MAF: variants seen among roughly 807,000 people sequenced by gnomAD.
MAF encodes the protein MAF bZIP transcription factor, also known as transcription factor Maf.
Under a neutral mutation model 22.0 loss-of-function variants are expected in MAF, and 10 were observed. The observed-to-expected ratio is 0.45, with a 90% confidence interval of 0.28 to 0.77. The LOEUF (loss-of-function observed/expected upper bound fraction) is 0.77, where lower values mean the gene tolerates loss of function less well. Ranked by LOEUF, MAF falls within the 30% of genes least tolerant of loss-of-function variation. MAF has a pLI of 0.12. For synonymous variants in MAF, 337 were observed against 255.8 expected (o/e 1.32, Z -3.03); for missense variants, 544 against 548.4 (o/e 0.99, Z 0.08).
At chr16:79,516,683 T>C in the MAF span, among the ~76,000 whole-genome samples, 1 of 152,228 alleles carries the variant, frequency 6.6e-6, no homozygotes, top group Non-Finnish European at 1.5e-5. Context: ...AATTTTATTA[T>C]TACCATTTGG....
At chr16:79,499,116 T>A in the MAF span, among the ~76,000 whole-genome samples, 1 of 152,214 alleles carries the variant, frequency 6.6e-6, no homozygotes, top group Non-Finnish European at 1.5e-5. Flanking sequence ...GAAGCCAACT[T>A]GCAATCTCCA....
chr16:79,593,453 C>T (rs888691545), downstream of MAF, among the ~76,000 whole-genome samples: 1 of 152,102 alleles, frequency 6.6e-6, no homozygotes, highest in African/African-American at 2.4e-5. Context: ...TACTTCAGAA[C>T]AGAAGTATCT....
At chr16:79,442,454 C>G in the MAF span, among the ~76,000 whole-genome samples, 1 of 152,278 alleles carries the variant, frequency 6.6e-6, no homozygotes, top group East Asian at 1.9e-4. Context: ...TCACTGCAGC[C>G]TCATACTCTT....
the MAF span, among the ~76,000 whole-genome samples, chr16:79,281,910 G>A: frequency 2.6e-5 from 4 of 152,142 alleles, no homozygotes; most frequent in Non-Finnish European, 5.9e-5. Context: ...TGTGTGGCTA[G>A]CAAGGACCAC....
the MAF span, among the ~76,000 whole-genome samples, chr16:79,372,137 G>T: frequency 6.8e-6 from 1 of 147,810 alleles, no homozygotes; most frequent in Non-Finnish European, 1.5e-5. Flanking sequence ...TGTTACTAGA[G>T]ATTCTGGTTT....
downstream of MAF, among the ~76,000 whole-genome samples, chr16:79,583,657 G>A (rs977608836): frequency 6.6e-6 from 1 of 152,196 alleles, no homozygotes; most frequent in African/African-American, 2.4e-5. Flanking sequence ...TGTTTTGAAC[G>A]CCAACTCTCC....
chr16:79,397,199 T>A, the MAF span, among the ~76,000 whole-genome samples: 9 of 152,220 alleles, frequency 5.9e-5, no homozygotes, highest in African/African-American at 2.2e-4. Context: ...TTTGAATCCT[T>A]TGGCAATCTG....
chr16:79,475,551 T>A, the MAF span, among the ~76,000 whole-genome samples: 3 of 152,244 alleles, frequency 2.0e-5, no homozygotes, highest in East Asian at 5.8e-4. Context: ...TGTCTGTCTG[T>A]CTATATGGCT....
At chr16:79,273,081 A>ATTCTTGTTTTGCTCTGCGGTG in the MAF span, among the ~76,000 whole-genome samples, 8 of 152,190 alleles carry the variant, frequency 5.3e-5, no homozygotes, top group African/African-American at 1.9e-4. Context: ...CAAAGTTGGA[A>ATTCTTGTTTTGCTCTGCGGTG]TTCTTGTTTT....
the MAF span, among the ~76,000 whole-genome samples, chr16:79,255,469 G>C: frequency 6.6e-6 from 1 of 152,186 alleles, no homozygotes; most frequent in African/African-American, 2.4e-5. Context: ...GATCCATCTA[G>C]AAAATCCATT....
the MAF span, among the ~76,000 whole-genome samples, chr16:79,399,010 G>A: frequency 2.6e-5 from 4 of 152,192 alleles, no homozygotes; most frequent in African/African-American, 9.7e-5. Context: ...AGATTAATCT[G>A]CCTCTCAAGT....
chr16:79,204,762 G>A, the MAF span: 1 of 152,192 alleles, frequency 6.6e-6, no homozygotes, highest in East Asian at 1.9e-4. Context: ...ACGCCTTTGG[G>A]TGGTTGGGAC....
At chr16:79,563,171 G>T in the MAF span, among the ~76,000 whole-genome samples, 2 of 152,270 alleles carry the variant, frequency 1.3e-5, no homozygotes, top group African/African-American at 2.4e-5. Context: ...AGACACCAAA[G>T]CTAAACCTCA....
chr16:79,207,427 C>G, the MAF span, among the ~76,000 whole-genome samples: 1 of 152,238 alleles, frequency 6.6e-6, no homozygotes, highest in Non-Finnish European at 1.5e-5. Context: ...GGGCTGTTCT[C>G]CTTCCCTGCT....
At chr16:79,501,129 G>C in the MAF span, among the ~76,000 whole-genome samples, 1 of 152,128 alleles carries the variant, frequency 6.6e-6, no homozygotes, top group African/African-American at 2.4e-5. Flanking sequence ...CACTCCCTCT[G>C]GAGACCCTGA....
At chr16:79,335,318 T>A in the MAF span, among the ~76,000 whole-genome samples, 2 of 152,188 alleles carry the variant, frequency 1.3e-5, no homozygotes, top group Non-Finnish European at 2.9e-5. Flanking sequence ...GCAATTTCTA[T>A]TTGACTTAAC....
At chr16:79,565,078 T>C in the MAF span, among the ~76,000 whole-genome samples, 4 of 152,178 alleles carry the variant, frequency 2.6e-5, no homozygotes, top group Non-Finnish European at 4.4e-5. Flanking sequence ...CAAGGGCACC[T>C]ACCCTTGGAC....
At chr16:79,576,175 G>T in the MAF span, among the ~76,000 whole-genome samples, 1 of 126,932 alleles carries the variant, frequency 7.9e-6, no homozygotes, top group Non-Finnish European at 1.6e-5. Context: ...AATGACAAAT[G>T]AATTTTTCAG....
downstream of MAF, among the ~76,000 whole-genome samples, chr16:79,591,780 A>C (rs1423986155): frequency 1.3e-5 from 2 of 152,210 alleles, no homozygotes; most frequent in African/African-American, 4.8e-5. Flanking sequence ...GATGTCATAA[A>C]ACTATTGCAG....
Sources: allele counts gnomAD v4.1 joint callset (sites outside exome capture counted in the v4.1 genomes callset), GRCh38; gene constraint gnomAD v4.1.1; transcripts MANE v1.5; gene names NCBI Gene and HGNC (gene_info 2026-07-23, HGNC 2026-07-21).